AP1M1: variants seen among roughly 807,000 people sequenced by gnomAD.
AP1M1 encodes adaptor related protein complex 1 subunit mu 1, also known as AP-1 complex subunit mu-1.
AP1M1 carries 18 observed loss-of-function variants against 57.1 expected under a neutral mutation model. The observed-to-expected ratio is 0.32, with a 90% CI of 0.22 to 0.47. The LOEUF is 0.47. Among genes scored for constraint, AP1M1 ranks in the 20% least tolerant of loss-of-function variants. The pLI, the probability that AP1M1 is intolerant of heterozygous loss-of-function variation, is 1.00. For missense variants in AP1M1, 362 were observed against 593.5 expected (o/e 0.61, Z 4.05); for synonymous variants, 241 against 237.9 (o/e 1.01, Z -0.12).
At chr19:16,233,066 T>G (rs1021942508) in intron 9 of AP1M1, among the ~76,000 whole-genome samples, 3 of 152,222 alleles carry the variant, frequency 2.0e-5, no homozygotes, top group African/African-American at 7.2e-5. Flanking sequence ...GTTCTGAGAC[T>G]GGGCGTGTGG....
intron 1 of AP1M1, among the ~76,000 whole-genome samples, chr19:16,198,713 T>G (rs1255656706): frequency 6.6e-6 from 1 of 152,082 alleles, no homozygotes; most frequent in Non-Finnish European, 1.5e-5. Flanking sequence ...TCCAGAATCA[T>G]TCGTTTATTC....
At chr19:16,198,167 C>T (rs1474565371) in intron 1 of AP1M1, 99 bp downstream of exon 1, 2 of 1,386,958 alleles carry the variant, frequency 1.4e-6, no homozygotes, top group Non-Finnish European at 2.0e-6. Context: ...TTATGAGCCC[C>T]ATCCTGGTGT....
intron 1 of AP1M1, among the ~76,000 whole-genome samples, chr19:16,201,384 A>ATTTTT (rs1473570720): frequency 4.1e-5 from 4 of 97,320 alleles, no homozygotes; most frequent in South Asian, 7.3e-4. Flanking sequence ...AGCAGGGAGG[A>ATTTTT]TTTCTTTTTT....
At chr19:16,232,945 G>T (rs2091605555) in intron 9 of AP1M1, among the ~76,000 whole-genome samples, 1 of 152,226 alleles carries the variant, frequency 6.6e-6, no homozygotes, top group Non-Finnish European at 1.5e-5. Flanking sequence ...ACCCTCAGGA[G>T]CAGGACCCAG....
rs763234401 is a variant in AP1M1 at position 16,198,008 on chromosome 19, GAGGCCTCCTGCAGCCATCATGT to G, written c.-18_4del. On this transcript the variant is annotated start_lost and 5_prime_UTR_variant, in exon 1 of 12. Transcript: ENST00000291439. The stretch of plus-strand genomic sequence containing the variant: ...GCCGCCACCGCCCTCGGCCGCTGCC[GAGGCCTCCTGCAGCCATCATGT>G]CCGCCAGCGCCGTCTACGTGCTGGA... 5 of 1,575,728 alleles carry G rather than the reference GAGGCCTCCTGCAGCCATCATGT, an allele frequency of 3.2e-6. No homozygotes were observed. Among genetic ancestry groups the G allele is most frequent in the African/African-American group, 1.4e-5 (1 of 71,530 alleles).
chr19:16,214,835 AC>A (rs1234377461), intron 5 of AP1M1, among the ~76,000 whole-genome samples: 2 of 150,236 alleles, frequency 1.3e-5, no homozygotes, highest in Admixed American at 1.3e-4. Flanking sequence ...TGCAACCTCT[AC>A]CTCCCTGGCA....
intron 9 of AP1M1, among the ~76,000 whole-genome samples, chr19:16,229,316 A>T (rs563784466): frequency 8.5e-5 from 13 of 152,346 alleles, no homozygotes; most frequent in South Asian, 2.1e-4. Context: ...CTTGCCTGCC[A>T]TCAAGGGGAA....
At chr19:16,218,857 T>C (rs1362352742) in intron 5 of AP1M1, among the ~76,000 whole-genome samples, 3 of 152,308 alleles carry the variant, frequency 2.0e-5, no homozygotes, top group East Asian at 3.9e-4. Context: ...AAGCTTCTTT[T>C]ATCTCTTTTG....
chr19:16,234,513 A>T lies in AP1M1; in HGVS notation c.*78A>T. 1 of 1,580,112 alleles carries T rather than the reference A, an allele frequency of 6.3e-7. No individual in the cohort carries two copies. On this transcript the variant is annotated 3_prime_UTR_variant, in exon 12 of 12. Transcript: ENST00000291439. ...GGGACACACCTGCCAAACCCACCAG[A>T]TGGAGGGGCCCTCCCTGGTCTCTGG...
chr19:16,199,423 G>A (rs2145108770), intron 1 of AP1M1, among the ~76,000 whole-genome samples: 1 of 152,352 alleles, frequency 6.6e-6, no homozygotes, highest in African/African-American at 2.4e-5. Flanking sequence ...GTGCAAGGCA[G>A]GTGGCTGCCT....
At chr19:16,226,961 C>T (rs2091574055) in intron 6 of AP1M1, among the ~76,000 whole-genome samples, 2 of 152,182 alleles carry the variant, frequency 1.3e-5, no homozygotes, top group Admixed American at 1.3e-4. Context: ...ACACTTCCCA[C>T]AGCAGGGCGG....
At chr19:16,209,307 G>A in intron 5 of AP1M1, 130 bp downstream of exon 5, 2 of 1,036,690 alleles carry the variant, frequency 1.9e-6, no homozygotes, top group Admixed American at 2.5e-5. Context: ...ATTCAGTTTG[G>A]GCCACTCATT....
chr19:16,207,185 C>G lies in AP1M1; in HGVS notation c.267+777C>G, dbSNP rs1275218349. Among the ~76,000 whole-genome samples, 1 of 152,020 alleles carries G rather than the reference C, an allele frequency of 6.6e-6. No homozygotes were observed. Among genetic ancestry groups the G allele is most frequent in the Non-Finnish European group, 1.5e-5 (1 of 68,006 alleles). The stretch of plus-strand genomic sequence containing the variant: ...GGCTCACGAAAGTGGGGAACAGGAC[C>G]CAGGAGGCCTGTGCTGGGCCTGGGA... On this transcript the variant is annotated intron_variant, in intron 3 of 11. Transcript: ENST00000291439. The surrounding 1 kb of genome is among the most constrained non-coding windows in gnomAD (Gnocchi z 4.2).
rs1003019705 is a variant in AP1M1, at chr19:16,210,485, C to A, written c.546+1308C>A. ...ACAGATGAGGGTTGTGATGACCCCA[C>A]ATCCTTTGTCAGTAGTTTTATTTTT... On this transcript the variant is annotated intron_variant, in intron 5 of 11. Transcript: ENST00000291439. 13 of 685,304 alleles carry A rather than the reference C, an allele frequency of 1.9e-5. No individual in the cohort carries two copies. The Admixed American group carries it at 2.8e-4, about 15-fold the overall frequency. The allele number at this position is 685,304 out of a possible 1,614,324, so 42.5% of individuals were successfully genotyped here.
chr19:16,216,375 G>A (rs1246024247), intron 5 of AP1M1, among the ~76,000 whole-genome samples: 3 of 152,100 alleles, frequency 2.0e-5, no homozygotes, highest in African/African-American at 7.2e-5. Context: ...AACCCAGGAG[G>A]CGGAGCTTGC....
chr19:16,234,330 C>G (rs1599468657), intron 11 of AP1M1, 56 bp downstream of exon 11: 1 of 1,612,272 alleles, frequency 6.2e-7, no homozygotes, highest in Non-Finnish European at 8.5e-7. Flanking sequence ...TCTGTGGCTG[C>G]CCCCAGGGTG....
At chr19:16,219,078 T>G (rs1189229031) in intron 5 of AP1M1, among the ~76,000 whole-genome samples, 2 of 151,970 alleles carry the variant, frequency 1.3e-5, no homozygotes, top group Admixed American at 6.6e-5. Context: ...TTTTTTTTTT[T>G]TAATCATGCG....
intron 5 of AP1M1, among the ~76,000 whole-genome samples, chr19:16,218,162 T>G (rs1385456149): frequency 6.6e-6 from 1 of 152,246 alleles, no homozygotes; most frequent in Non-Finnish European, 1.5e-5. Flanking sequence ...CTGGGCGCAC[T>G]GCCCATGGGG....
intron 1 of AP1M1, among the ~76,000 whole-genome samples, chr19:16,199,218 T>C (rs1362169025): frequency 6.6e-6 from 1 of 152,138 alleles, no homozygotes; most frequent in Non-Finnish European, 1.5e-5. Context: ...GAGTGTGTTA[T>C]ACAGACAGTC....
Sources: allele counts gnomAD v4.1 joint callset (sites outside exome capture counted in the v4.1 genomes callset), GRCh38; gene constraint gnomAD v4.1.1; non-coding constraint Gnocchi (gnomAD v3.1); transcripts MANE v1.5; gene names NCBI Gene and HGNC (gene_info 2026-07-23, HGNC 2026-07-21).